Variants in ADH1B observed in about 807,000 individuals in gnomAD.
ADH1B encodes all-trans-retinol dehydrogenase [NAD(+)] ADH1B.
A neutral mutation model predicts 34.6 loss-of-function variants in ADH1B; 29 were observed. The observed-to-expected ratio is 0.84, with a 90% CI of 0.62 to 1.14. The LOEUF (loss-of-function observed/expected upper bound fraction) is 1.14, where lower values mean the gene tolerates loss of function less well. Among genes scored for constraint, ADH1B ranks in the 50% most tolerant of loss-of-function variants. The pLI is 0.00. For missense variants in ADH1B, 424 were observed against 468.4 expected, an observed-to-expected ratio of 0.91 and a Z score of 0.87; for synonymous variants, 170 against 175.5, an observed-to-expected ratio of 0.97 and a Z score of 0.25.
Position 99,306,307 on chromosome 4 carries a change from C to G in ADH1B, c.*1533G>C, listed in dbSNP as rs960778177. 2 of 152,140 alleles carry G rather than the reference C, an allele frequency of 1.3e-5. No homozygotes were observed. Among genetic ancestry groups the G allele is most frequent in the Non-Finnish European group, 2.9e-5 (2 of 68,050 alleles). 9.4% of individuals were successfully genotyped at this position (152,140 alleles called of 1,614,324 possible). A position where few individuals can be genotyped will look rare whatever the true frequency, so the allele number is the denominator to read the frequency against. On this transcript the variant is annotated 3_prime_UTR_variant, in exon 9 of 9. Transcript: ENST00000305046. ...AGGGATAAGCCACTGCGCCACCCCCCACCCCGCTTTAGCATTTTTGACAAA... is the reference window on the plus strand; with the variant it reads ...AGGGATAAGCCACTGCGCCACCCCCGACCCCGCTTTAGCATTTTTGACAAA...
intron 5 of ADH1B, chr4:99,315,460 G>T: frequency 8.4e-6 from 2 of 238,634 alleles, no homozygotes; most frequent in South Asian, 5.6e-5. Flanking sequence ...GTAAGGTTTT[G>T]GACTCTACTG....
chr4:99,310,688 C>G, intron 8 of ADH1B, 77 bp downstream of exon 8: 1 of 1,531,004 alleles, frequency 6.5e-7, no homozygotes. Flanking sequence ...TCTCATCTTT[C>G]CACCTTTTTC....
Position 99,314,075 on chromosome 4 carries a change from G to A in ADH1B, c.574C>T (p.Pro192Ser), listed in dbSNP as rs778587185. 4 of 1,612,972 alleles carry A rather than the reference G, an allele frequency of 2.5e-6. No individual in the cohort carries two copies. The highest frequency in any genetic ancestry group is 3.4e-6 in the Non-Finnish European group (4 of 1,179,426). ...CCAAACACAGCACAGGTAGAGCCTG[G>A]GGTGACCTGTGTTTTCAGAAAATGC... ...GSAVNVAKVT[P>S]GSTCAVFGLG... Residue 192 changes from proline to serine, a missense_variant, in exon 6 of 9, where the codon CCA becomes TCA. Physicochemically the swap from Pro to Ser is moderately conservative, Grantham distance 74 (BLOSUM62 -1). Coordinates refer to ENST00000305046, the MANE Select transcript of ADH1B (RefSeq NM_000668.6).
intron 2 of ADH1B, chr4:99,318,448 G>T: frequency 5.7e-6 from 3 of 527,730 alleles, no homozygotes; most frequent in Non-Finnish European, 6.5e-6. Flanking sequence ...ATGTAAGAAT[G>T]CACGCTTTAA....
chr4:99,315,086 T>G (rs1404537284), intron 5 of ADH1B: 1 of 152,200 alleles, frequency 6.6e-6, no homozygotes, highest in East Asian at 1.9e-4. Context: ...AAAACACTAA[T>G]AATTATGTAT....
rs1371263388 is a variant in ADH1B at position 99,314,191 on chromosome 4, T to A, written c.568-110A>T. 3.3e-6 allele frequency: 5 copies of A among 1,499,158 alleles called. No individual in the cohort carries two copies. The African/African-American group carries it at 7.0e-5, about 21-fold the overall frequency. 92.9% of individuals were successfully genotyped at this position (1,499,158 alleles called of 1,614,324 possible). A position where few individuals can be genotyped will look rare whatever the true frequency, so the allele number is the denominator to read the frequency against. On this transcript the variant is annotated intron_variant, in intron 5 of 8. Coordinates refer to ENST00000305046, the MANE Select transcript of ADH1B (RefSeq NM_000668.6). ...TTATCAAGAACTACTCAGACTCTTTTGTCCAACCGTTTATCAAAACCTCTT... is the reference window on the plus strand; with the variant it reads ...TTATCAAGAACTACTCAGACTCTTTAGTCCAACCGTTTATCAAAACCTCTT...
intron 8 of ADH1B, 47 bp from the exon 9 acceptor site, chr4:99,307,911 C>T (rs1406403860): frequency 6.2e-7 from 1 of 1,613,050 alleles, no homozygotes; most frequent in Non-Finnish European, 8.5e-7. Flanking sequence ...AGACAACCCA[C>T]ATGCTTGTTG....
chr4:99,307,786 C>G lies in ADH1B; in HGVS notation c.*54G>C. The G allele has an allele frequency of 6.3e-7, 1 of 1,594,612 alleles. No individual in the cohort carries two copies. The highest frequency in any genetic ancestry group is 8.6e-7 in the Non-Finnish European group (1 of 1,162,730). ...ATATTTCCTAGCTGTTGCTCCAGAT[C>G]TTGTAGGGTAGAGGAGGCTGAAGAC... On this transcript the variant is annotated 3_prime_UTR_variant, in exon 9 of 9. Coordinates refer to ENST00000305046, the MANE Select transcript of ADH1B (RefSeq NM_000668.6).
Position 99,318,843 on chromosome 4 carries a change from G to C in ADH1B, c.62C>G (p.Pro21Arg), listed in dbSNP as rs761102982. The C allele has an allele frequency of 5.6e-6, 9 of 1,613,848 alleles. No individual in the cohort carries two copies. Among genetic ancestry groups the C allele is most frequent in the Non-Finnish European group, 6.8e-6 (8 of 1,179,900 alleles). The change falls in exon 2 of 9, where the codon CCC (proline) becomes CGC (arginine). Residue 21 changes from proline to arginine, a missense_variant. Transcript: ENST00000305046. ...AACCTCCACATCCTCAATGGAAAAGGGTTTCTTTACCTCCCATAGCACAGC... is the reference window on the plus strand; with the variant it reads ...AACCTCCACATCCTCAATGGAAAAGCGTTTCTTTACCTCCCATAGCACAGC... ...KAAVLWEVKK[P>R]FSIEDVEVAP...
At chr4:99,318,323 A>G in intron 2 of ADH1B, 139 bp from the exon 3 acceptor site, 3 of 1,152,090 alleles carry the variant, frequency 2.6e-6, no homozygotes, top group Non-Finnish European at 3.8e-6. Context: ...TAAATATGAA[A>G]GATTCAGTTT....
At chr4:99,308,002 T>C (rs1733653969) in intron 8 of ADH1B, 138 bp from the exon 9 acceptor site, 2 of 1,143,196 alleles carry the variant, frequency 1.7e-6, no homozygotes, top group Non-Finnish European at 2.5e-6. Flanking sequence ...CCCCATACAT[T>C]TGGTTCAAGA....
intron 1 of ADH1B, chr4:99,320,996 G>C: frequency 1.0e-6 from 1 of 977,376 alleles, no homozygotes; most frequent in Non-Finnish European, 1.3e-6. Context: ...TGCCATTAAA[G>C]ACTTTTCTAA....
In ADH1B at chr4:99,306,624, TCAC is replaced by T. The variant is rs1733616577; in HGVS notation, c.*1213_*1215del. The T allele has an allele frequency of 6.6e-6, 1 of 152,162 alleles. No individual in the cohort carries two copies. Among genetic ancestry groups the T allele is most frequent in the African/African-American group, 2.4e-5 (1 of 41,442 alleles). 9.4% of individuals were successfully genotyped at this position (152,162 alleles called of 1,614,324 possible). On this transcript the variant is annotated 3_prime_UTR_variant, in exon 9 of 9. Coordinates refer to ENST00000305046, the MANE Select transcript of ADH1B (RefSeq NM_000668.6). The stretch of plus-strand genomic sequence containing the variant: ...CTTTACCAGGAATAATCTTTGCATG[TCAC>T]ATTTAGAGATAAAGCTCAAAATGCA...
At chr4:99,313,151 G>A (rs199900758) in intron 6 of ADH1B, among the ~76,000 whole-genome samples, 6 of 151,452 alleles carry the variant, frequency 4.0e-5, no homozygotes, top group Non-Finnish European at 5.9e-5. Context: ...CTCAGCCTCC[G>A]GAGTAGCTGG....
Position 99,316,128 on chromosome 4 carries a change from C to T in ADH1B, c.348-11G>A, listed in dbSNP as rs1385854751. 2 of 1,614,090 alleles carry T rather than the reference C, an allele frequency of 1.2e-6. No individual in the cohort carries two copies. Among genetic ancestry groups the T allele is most frequent in the Non-Finnish European group, 1.7e-6 (2 of 1,180,004 alleles). On this transcript the variant is annotated splice_polypyrimidine_tract_variant and intron_variant, in intron 4 of 8. Transcript: ENST00000305046. ...CGAGGATTGCCTAGACTGGGCAGTG[C>T]AATACACAGACACACAAAGGCATGA...
chr4:99,313,779 G>T (rs767946339), intron 6 of ADH1B, 42 bp downstream of exon 6: 1 of 1,613,918 alleles, frequency 6.2e-7, no homozygotes. Flanking sequence ...GCATCTTCCA[G>T]GTTGCAGAGG....
intron 1 of ADH1B, chr4:99,319,863 T>G (rs1733981726): frequency 6.6e-6 from 1 of 152,164 alleles, no homozygotes; most frequent in Non-Finnish European, 1.5e-5. Context: ...TATTTATTTG[T>G]CAAAATTTTC....
chr4:99,305,623 A>G lies in ADH1B; in HGVS notation c.*2217T>C, dbSNP rs1733594823. 7.4e-6 allele frequency: 1 copy of G among 134,814 alleles called. No individual in the cohort carries two copies. Among genetic ancestry groups the G allele is most frequent in the Non-Finnish European group, 1.6e-5 (1 of 63,468 alleles). 8.4% of individuals were successfully genotyped at this position (134,814 alleles called of 1,614,324 possible). A position where few individuals can be genotyped will look rare whatever the true frequency, so the allele number is the denominator to read the frequency against. ...TATATATATATACAATCACTTAACT[A>G]TATGAACCACTTGCCCCATAGTAAA... On this transcript the variant is annotated 3_prime_UTR_variant, in exon 9 of 9. Coordinates refer to ENST00000305046, the MANE Select transcript of ADH1B (RefSeq NM_000668.6).
chr4:99,316,569 A>G (rs1733891394), intron 3 of ADH1B: 4 of 418,316 alleles, frequency 9.6e-6, no homozygotes. Flanking sequence ...ACTAATAGTT[A>G]ACTTTTACAC....
Sources: allele counts gnomAD v4.1 joint callset (sites outside exome capture counted in the v4.1 genomes callset), GRCh38; gene constraint gnomAD v4.1.1; transcripts MANE v1.5; gene names NCBI Gene and HGNC (gene_info 2026-07-23, HGNC 2026-07-21).